Variants in PINX1 observed in about 807,000 individuals in gnomAD.
The protein encoded by PINX1 is PIN2 (TERF1) interacting telomerase inhibitor 1.
PINX1 carries 34 observed loss-of-function variants against 25.4 expected under a neutral mutation model. The ratio of observed to expected loss-of-function variants is 1.34; its 90% CI spans 1.02 to 1.78. The LOEUF (loss-of-function observed/expected upper bound fraction) is 1.78. Among genes scored for constraint, PINX1 ranks in the 40% most tolerant of loss-of-function variants. The probability of loss-of-function intolerance (pLI) is 0.00; values close to 1 mark genes in which losing one functional copy is unlikely to be tolerated. For synonymous variants in PINX1, 197 were observed against 147.7 expected (o/e 1.33, Z -2.42); for missense variants, 592 against 404.9 (o/e 1.46, Z -3.97).
Position 10,834,672 on chromosome 8 carries a change from T to C in PINX1, c.123A>G (p.Lys41=), listed in dbSNP as rs763193965. ...CCGCTTTTCTCCAAAATACCTTTCC[T>C]TTAGACCACCCCATCTTCTCTAGCA... ...QRMLEKMGWS[K]GKGLGAQEQG... Residue 41 remains lysine, a synonymous_variant, in exon 2 of 7, where the codon AAA becomes AAG. Coordinates refer to ENST00000314787, the MANE Select transcript of PINX1 (RefSeq NM_017884.6). The C allele has an allele frequency of 1.2e-6, 2 of 1,613,524 alleles. No individual in the cohort carries two copies. Among genetic ancestry groups the C allele is most frequent in the South Asian group, 1.1e-5 (1 of 91,002 alleles).
intron 6 of PINX1, among the ~76,000 whole-genome samples, chr8:10,776,002 G>C (rs1307573119): frequency 6.6e-6 from 1 of 152,138 alleles, no homozygotes; most frequent in East Asian, 1.9e-4. Context: ...GGGGATGCTA[G>C]AACTCTATGG....
At chr8:10,808,739 A>G (rs977024427) in intron 6 of PINX1, among the ~76,000 whole-genome samples, 1 of 152,204 alleles carries the variant, frequency 6.6e-6, no homozygotes, top group African/African-American at 2.4e-5. Flanking sequence ...GGGAAAAACA[A>G]TCTGATTTTC....
chr8:10,786,923 T>C (rs970851452), intron 6 of PINX1, among the ~76,000 whole-genome samples: 2 of 152,108 alleles, frequency 1.3e-5, no homozygotes, highest in African/African-American at 2.4e-5. Flanking sequence ...TATTCGACTG[T>C]CTTTGAACAT....
chr8:10,826,272 A>G (rs888597027), intron 4 of PINX1, 28 bp from the exon 5 acceptor site: 1 of 1,228,248 alleles, frequency 8.1e-7, no homozygotes, highest in South Asian at 1.3e-5. Flanking sequence ...AAAATACATT[A>G]AAGTCTTTCT....
At chr8:10,822,024 TTGA>T (rs1471400415) in intron 5 of PINX1, 1 of 152,228 alleles carries the variant, frequency 6.6e-6, no homozygotes, top group Admixed American at 6.5e-5. Context: ...GTCTAAAGTT[TTGA>T]TGATGGATTC....
At chr8:10,829,200 C>G (rs540957954) in intron 4 of PINX1, among the ~76,000 whole-genome samples, 1 of 148,000 alleles carries the variant, frequency 6.8e-6, no homozygotes, top group East Asian at 2.0e-4. Context: ...GCAGGAGAAT[C>G]GCTTGAACCC....
intron 6 of PINX1, among the ~76,000 whole-genome samples, chr8:10,812,723 C>A (rs747125778): frequency 6.6e-6 from 1 of 152,200 alleles, no homozygotes; most frequent in Non-Finnish European, 1.5e-5. Flanking sequence ...GACACCCAGG[C>A]CCGCACAGAG....
chr8:10,789,397 C>A (rs1022759436), intron 6 of PINX1, among the ~76,000 whole-genome samples: 1 of 152,208 alleles, frequency 6.6e-6, no homozygotes, highest in Non-Finnish European at 1.5e-5. Context: ...CTAATTAACA[C>A]ATGCATCACT....
intron 6 of PINX1, among the ~76,000 whole-genome samples, chr8:10,807,336 C>G (rs188205891): frequency 0.15 from 14,676 of 95,406 alleles, 1,875 homozygotes; most frequent in Non-Finnish European, 0.21. Flanking sequence ...CACCCCCCCC[C>G]CCACCAAAGT....
intron 6 of PINX1, among the ~76,000 whole-genome samples, chr8:10,818,015 G>A (rs566835174): frequency 7.9e-5 from 12 of 152,260 alleles, no homozygotes; most frequent in African/African-American, 2.6e-4. Flanking sequence ...TCGGTCTTGG[G>A]CAGAACCCTG....
At chr8:10,812,742 G>A (rs185506255) in intron 6 of PINX1, among the ~76,000 whole-genome samples, 1 of 152,326 alleles carries the variant, frequency 6.6e-6, no homozygotes, top group Admixed American at 6.5e-5. Flanking sequence ...AGCCGTTCAA[G>A]CACAGTCACC....
chr8:10,823,386 G>A (rs368855246), intron 5 of PINX1, among the ~76,000 whole-genome samples: 4 of 152,202 alleles, frequency 2.6e-5, no homozygotes, highest in Middle Eastern at 3.4e-3. Flanking sequence ...TAACTGAGGG[G>A]AGGAAGCACT....
rs775486673 is a variant in PINX1, at chr8:10,765,646, G to A, written c.742C>T (p.Arg248Ter). The change falls in exon 7 of 7, where the codon CGA becomes TGA. Residue 248 changes from arginine to a stop codon, truncating the protein, a stop_gained. Transcript: ENST00000314787. LOFTEE classifies it low-confidence loss of function (END_TRUNC). ...GKPERAEAQE[R>*]VAKKKSAPAE... The stretch of plus-strand genomic sequence containing the variant: ...GGCGCGCTCTTCTTCTTGGCCACTC[G>A]CTCCTGGGCCTCGGCCCTCTCGGGC... The A allele has an allele frequency of 7.4e-6, 12 of 1,613,916 alleles. 1 individual carries two copies. The highest frequency in any genetic ancestry group is 4.5e-5 in the East Asian group (2 of 44,858).
chr8:10,837,774 G>C (rs1166533456), intron 1 of PINX1, among the ~76,000 whole-genome samples: 1 of 152,208 alleles, frequency 6.6e-6, no homozygotes, highest in Non-Finnish European at 1.5e-5. Flanking sequence ...AGGGCGTGTT[G>C]AGTCCCAAGA....
chr8:10,819,154 G>A (rs1295638672), intron 6 of PINX1, among the ~76,000 whole-genome samples: 1 of 152,164 alleles, frequency 6.6e-6, no homozygotes, highest in Non-Finnish European at 1.5e-5. Flanking sequence ...AGGGTGCAGG[G>A]GCAGACAGGG....
At chr8:10,812,894 G>T (rs111419220) in intron 6 of PINX1, among the ~76,000 whole-genome samples, 9 of 152,336 alleles carry the variant, frequency 5.9e-5, no homozygotes, top group South Asian at 4.1e-4. Flanking sequence ...TAAACTTGTG[G>T]TCAGGATACA....
chr8:10,831,215 T>C (rs369142781), intron 4 of PINX1, among the ~76,000 whole-genome samples: 2 of 152,210 alleles, frequency 1.3e-5, no homozygotes, highest in African/African-American at 4.8e-5. Context: ...TTCTCGTTCA[T>C]ATGGAAAAGC....
chr8:10,812,677 T>C (rs929791412), intron 6 of PINX1, among the ~76,000 whole-genome samples: 2 of 152,212 alleles, frequency 1.3e-5, no homozygotes, highest in Non-Finnish European at 2.9e-5. Flanking sequence ...CTGAAGGCAA[T>C]TCCCTGAACG....
At chr8:10,770,671 A>T (rs1801195289) in intron 6 of PINX1, among the ~76,000 whole-genome samples, 1 of 152,210 alleles carries the variant, frequency 6.6e-6, no homozygotes. Flanking sequence ...CATTATTCTC[A>T]AAAGAATCTT....
Sources: gnomAD v4.1 joint callset for allele counts (sites outside exome capture counted in the v4.1 genomes callset) on GRCh38, gnomAD v4.1.1 for gene constraint, MANE v1.5 for transcripts, NCBI Gene and HGNC (gene_info 2026-07-23, HGNC 2026-07-21) for gene names.